The following ROS1 variants were observed in gnomAD, a reference collection of about 807,000 sequenced individuals.
The protein encoded by ROS1 is ROS proto-oncogene 1, receptor tyrosine kinase.
Under a neutral mutation model 273.5 loss-of-function variants are expected in ROS1, and 263 were observed. The observed-to-expected ratio is 0.96, with a 90% CI of 0.87 to 1.06. The LOEUF (loss-of-function observed/expected upper bound fraction) is 1.06. Among genes scored for constraint, ROS1 ranks in the 50% least tolerant of loss-of-function variants. ROS1 has a pLI of 0.00. For missense variants in ROS1, 2,833 were observed against 2,751.1 expected, an observed-to-expected ratio of 1.03 and a Z score of -0.67; for synonymous variants, 1,008 against 954.1, an observed-to-expected ratio of 1.06 and a Z score of -1.04.
At chr6:117,316,100 T>C (rs1459859699) in intron 39 of ROS1, among the ~76,000 whole-genome samples, 1 of 152,082 alleles carries the variant, frequency 6.6e-6, no homozygotes, top group African/African-American at 2.4e-5. Flanking sequence ...ATTGTGATAA[T>C]TGTCAGAGGA....
chr6:117,323,860 T>C (rs1467452434), intron 35 of ROS1, among the ~76,000 whole-genome samples: 3 of 152,130 alleles, frequency 2.0e-5, no homozygotes, highest in Non-Finnish European at 2.9e-5. Context: ...AAATGGATCT[T>C]CTGCAAAAGA....
intron 16 of ROS1, 103 bp downstream of exon 16, chr6:117,385,580 A>G: frequency 1.1e-6 from 1 of 908,294 alleles, no homozygotes; most frequent in Non-Finnish European, 1.7e-6. Context: ...TAATAGCATA[A>G]GTGGTGCACA....
chr6:117,354,349 T>C (rs1188583880), intron 26 of ROS1, among the ~76,000 whole-genome samples: 2 of 150,100 alleles, frequency 1.3e-5, no homozygotes, highest in African/African-American at 4.9e-5. Flanking sequence ...TGAGACCCTG[T>C]CTCAAAAAAA....
chr6:117,418,401 T>A, intron 2 of ROS1, 61 bp downstream of exon 2: 1 of 1,154,780 alleles, frequency 8.7e-7, no homozygotes, highest in Non-Finnish European at 1.3e-6. Flanking sequence ...AATCTGATCA[T>A]TGTCCCTTCA....
At chr6:117,327,693 T>C (rs1304307437) in intron 33 of ROS1, among the ~76,000 whole-genome samples, 1 of 152,226 alleles carries the variant, frequency 6.6e-6, no homozygotes, top group Non-Finnish European at 1.5e-5. Context: ...GATTGAGTCA[T>C]GTCCTCCCAA....
intron 5 of ROS1, among the ~76,000 whole-genome samples, chr6:117,406,122 G>C (rs1372961719): frequency 6.6e-6 from 1 of 152,076 alleles, no homozygotes; most frequent in Non-Finnish European, 1.5e-5. Context: ...TCCAGCCTGG[G>C]TGACAGAATG....
At chr6:117,316,283 TACCACA>T (rs775615991) in intron 39 of ROS1, among the ~76,000 whole-genome samples, 1,862 of 126,424 alleles carry the variant, frequency 0.015, 9 homozygotes, top group South Asian at 0.036. Context: ...TGGCGGTAAA[TACCACA>T]AGATACATGC....
chr6:117,375,044 C>T (rs1044830078), intron 18 of ROS1, among the ~76,000 whole-genome samples: 5 of 152,152 alleles, frequency 3.3e-5, no homozygotes, highest in Admixed American at 3.3e-4. Flanking sequence ...AATATGGAAC[C>T]AGTCCAAATG....
At chr6:117,324,870 G>A (rs1776526699) in intron 34 of ROS1, among the ~76,000 whole-genome samples, 1 of 151,996 alleles carries the variant, frequency 6.6e-6, no homozygotes, top group Non-Finnish European at 1.5e-5. Context: ...AAACACGTAG[G>A]CCAGAGTCTG....
Position 117,324,383 on chromosome 6 carries a change from G to C in ROS1, c.5572C>G (p.Leu1858Val), listed in dbSNP as rs762992946. 1 of 1,512,562 alleles carries C rather than the reference G, an allele frequency of 6.6e-7. No homozygotes were observed. The highest frequency in any genetic ancestry group is 1.4e-5 in the African/African-American group (1 of 72,458). The allele number at this position is 1,512,562 out of a possible 1,614,324, so 93.7% of individuals were successfully genotyped here. The change falls in exon 35 of 44, where the codon CTT (leucine) becomes GTT (valine). Residue 1858 changes from leucine (L) to valine (V), a missense_variant. Transcript: ENST00000368507. ...AGAAATATTCCAACTATAATAGTAA[G>C]TATGAAACTTGTTTCTGGTATCCAA... Reference protein sequence around the residue: ...DFWIPETSFILTIIVGIFLVV... With the variant: ...DFWIPETSFIVTIIVGIFLVV...
chr6:117,314,552 G>C (rs1275387260), intron 39 of ROS1, among the ~76,000 whole-genome samples: 2 of 152,088 alleles, frequency 1.3e-5, no homozygotes, highest in African/African-American at 4.8e-5. Context: ...TTTGTCTATA[G>C]AAAACAAACA....
chr6:117,407,915 C>A (rs1582875903), intron 5 of ROS1, among the ~76,000 whole-genome samples: 1 of 152,164 alleles, frequency 6.6e-6, no homozygotes, highest in Non-Finnish European at 1.5e-5. Flanking sequence ...TGCCACATAT[C>A]TACAACTACC....
At chr6:117,401,021 T>C (rs566574030) in intron 7 of ROS1, among the ~76,000 whole-genome samples, 1 of 152,214 alleles carries the variant, frequency 6.6e-6, no homozygotes, top group South Asian at 2.1e-4. Flanking sequence ...TTTACCCTTG[T>C]CCCTGTCTCA....
At chr6:117,342,358 C>A in intron 29 of ROS1, 42 bp downstream of exon 29, 1 of 1,583,192 alleles carries the variant, frequency 6.3e-7, no homozygotes, top group Non-Finnish European at 8.6e-7. Flanking sequence ...ACATATATCA[C>A]AATATTCTGC....
chr6:117,340,846 T>G (rs1470467124), intron 31 of ROS1, among the ~76,000 whole-genome samples: 2 of 152,092 alleles, frequency 1.3e-5, no homozygotes, highest in African/African-American at 2.4e-5. Flanking sequence ...CTATGGACTT[T>G]AAACCAGAGA....
At chr6:117,416,865 T>C (rs1434273659) in intron 2 of ROS1, among the ~76,000 whole-genome samples, 1 of 152,106 alleles carries the variant, frequency 6.6e-6, no homozygotes, top group Non-Finnish European at 1.5e-5. Flanking sequence ...TATTTCTTCT[T>C]ACCTTACTTA....
intron 34 of ROS1, 37 bp downstream of exon 34, chr6:117,326,187 G>T: frequency 7.6e-7 from 1 of 1,318,284 alleles, no homozygotes; most frequent in Non-Finnish European, 1.0e-6. Context: ...GAACCTTTAG[G>T]TAATAAGCTA....
chr6:117,403,699 C>A (rs576348741), intron 6 of ROS1, among the ~76,000 whole-genome samples: 2 of 152,152 alleles, frequency 1.3e-5, no homozygotes, highest in East Asian at 3.9e-4. Flanking sequence ...CTGTGATGGG[C>A]AGATAATGAC....
intron 39 of ROS1, among the ~76,000 whole-genome samples, chr6:117,312,990 G>A (rs76074667): frequency 1.3e-5 from 2 of 152,150 alleles, no homozygotes; most frequent in African/African-American, 4.8e-5. Context: ...CTGGGCTTCT[G>A]CAGTATATTC....
Sources: allele counts gnomAD v4.1 joint callset (sites outside exome capture counted in the v4.1 genomes callset), GRCh38; gene constraint gnomAD v4.1.1; transcripts MANE v1.5; gene names NCBI Gene and HGNC (gene_info 2026-07-23, HGNC 2026-07-21).